The following MRPL1 variants were observed in gnomAD, a reference collection of about 807,000 sequenced individuals.
MRPL1 encodes the protein mitochondrial ribosomal protein L1, also known as large ribosomal subunit protein uL1m.
A neutral mutation model predicts 38.0 loss-of-function variants in MRPL1; 28 were observed. That is an observed-to-expected ratio of 0.74 (90% CI 0.55 to 1.01). The LOEUF is 1.01. Among genes scored for constraint, MRPL1 ranks in the 50% least tolerant of loss-of-function variants. MRPL1 has a pLI of 0.00. For synonymous variants in MRPL1, 123 were observed against 126.7 expected (o/e 0.97, Z 0.20); for missense variants, 358 against 389.8 (o/e 0.92, Z 0.69).
intron 7 of MRPL1, among the ~76,000 whole-genome samples, chr4:77,941,488 C>A (rs1281850606): frequency 6.6e-6 from 1 of 152,118 alleles, no homozygotes; most frequent in Non-Finnish European, 1.5e-5. Context: ...GCTGTGAATT[C>A]ATCTGGTCCT....
At position 77,881,162 on chromosome 4, in the gene MRPL1, A is replaced by G. The variant is rs540536854; in HGVS notation, c.144-2080A>G. ...GACAAATAAAGGGGCTGGGAAATAT[A>G]CTCCTCTTTAGTGGGAGGAACAGCA... On this transcript the variant is annotated intron_variant, in intron 2 of 8. Transcript: ENST00000315567. 7.9e-5 allele frequency among the ~76,000 whole-genome samples: 12 copies of G among 152,278 alleles called. No homozygotes were observed. The South Asian group carries it at 2.3e-3, about 29-fold the overall frequency.
intron 1 of MRPL1, among the ~76,000 whole-genome samples, chr4:77,868,462 T>G (rs746081901): frequency 6.6e-5 from 10 of 152,034 alleles, no homozygotes; most frequent in Non-Finnish European, 1.2e-4. Context: ...AGGCTGGTCT[T>G]GAACTCCTTA....
At position 77,916,729 on chromosome 4, in the gene MRPL1, T is replaced by C. The variant is rs1451414851; in HGVS notation, c.777+7357T>C. Among the ~76,000 whole-genome samples, 4 of 152,200 alleles carry C rather than the reference T, an allele frequency of 2.6e-5. 1 individual carries two copies. The highest frequency in any genetic ancestry group is 4.1e-4 in the South Asian group (2 of 4,836). ...TCATATACCATAATCAGTTCCTTAT[T>C]GATGGGCCTTTAGTTTGTGTCCCGA... On this transcript the variant is annotated intron_variant, in intron 7 of 8. Transcript: ENST00000315567.
rs1423390403 is a variant in MRPL1, at chr4:77,883,372, T to C, written c.274T>C (p.Tyr92His). The change falls in exon 3 of 9, where the codon TAC (tyrosine) becomes CAC (histidine). Residue 92 changes from tyrosine (Y) to histidine (H), a missense_variant. Transcript: ENST00000315567. ...PEDDVYLKRLYPRQIYEVEKA... is the reference protein window; with the variant it reads ...PEDDVYLKRLHPRQIYEVEKA... The stretch of plus-strand genomic sequence containing the variant: ...GGATGATGTCTATTTAAAACGCTTA[T>C]ACCCGAGACAGATATATGAGGTGGA... 4 of 1,614,012 alleles carry C rather than the reference T, an allele frequency of 2.5e-6. 1 individual carries two copies. The South Asian group carries it at 4.4e-5, about 18-fold the overall frequency.
intron 6 of MRPL1, among the ~76,000 whole-genome samples, chr4:77,897,690 A>C (rs1224262334): frequency 6.6e-6 from 1 of 152,236 alleles, no homozygotes; most frequent in Admixed American, 6.5e-5. Context: ...CGTGAGACTC[A>C]TGGATATTAA....
At position 77,951,517 on chromosome 4, in the gene MRPL1, T is replaced by C. The variant is rs144782135; in HGVS notation, c.860-972T>C. On this transcript the variant is annotated intron_variant, in intron 8 of 8. Coordinates refer to ENST00000315567, the MANE Select transcript of MRPL1 (RefSeq NM_020236.4). ...CTTCCCCTTCTTATAATTCAAAATA[T>C]TAGTTCAGTAATACAGTACTTTTCA... 3.9e-5 allele frequency among the ~76,000 whole-genome samples: 6 copies of C among 152,354 alleles called. No homozygotes were observed. In the East Asian group the frequency reaches 1.2e-3, roughly 29 times the overall value.
At chr4:77,945,584 G>A (rs1419561213) in intron 7 of MRPL1, among the ~76,000 whole-genome samples, 1 of 151,810 alleles carries the variant, frequency 6.6e-6, no homozygotes, top group African/African-American at 2.4e-5. Context: ...GGGGGAACCT[G>A]CCCCCAATAT....
At chr4:77,913,460 T>C (rs912297165) in intron 7 of MRPL1, among the ~76,000 whole-genome samples, 2 of 152,160 alleles carry the variant, frequency 1.3e-5, no homozygotes, top group Admixed American at 6.5e-5. Flanking sequence ...CACACATCTA[T>C]TTGGAATGAA....
At chr4:77,933,749 A>G (rs545515699) in intron 7 of MRPL1, among the ~76,000 whole-genome samples, 1 of 152,214 alleles carries the variant, frequency 6.6e-6, no homozygotes. Context: ...AGAAACTGCA[A>G]CTCTCATACA....
At chr4:77,870,003 C>A (rs997583931) in intron 1 of MRPL1, among the ~76,000 whole-genome samples, 2 of 152,094 alleles carry the variant, frequency 1.3e-5, no homozygotes, top group African/African-American at 4.8e-5. Context: ...CCACCTCAAG[C>A]AATCCTCCCA....
intron 1 of MRPL1, among the ~76,000 whole-genome samples, chr4:77,864,296 T>C (rs1049922900): frequency 1.3e-5 from 2 of 152,282 alleles, no homozygotes; most frequent in Non-Finnish European, 1.5e-5. Context: ...ATTTCATGTG[T>C]CATTTTTTCT....
At chr4:77,930,626 G>A (rs1188865670) in intron 7 of MRPL1, among the ~76,000 whole-genome samples, 1 of 152,192 alleles carries the variant, frequency 6.6e-6, no homozygotes, top group African/African-American at 2.4e-5. Context: ...AATTGCTGCA[G>A]TCTCATATCA....
chr4:77,878,463 T>G (rs966363338), intron 2 of MRPL1, among the ~76,000 whole-genome samples: 13 of 152,160 alleles, frequency 8.5e-5, no homozygotes, highest in Non-Finnish European at 2.9e-5. Flanking sequence ...TGTACGAATT[T>G]CCCCCCACTA....
At chr4:77,889,357 T>C (rs1004878513) in intron 5 of MRPL1, among the ~76,000 whole-genome samples, 4 of 152,190 alleles carry the variant, frequency 2.6e-5, no homozygotes, top group Non-Finnish European at 5.9e-5. Context: ...ACATGGAAAC[T>C]GAACAACCTG....
chr4:77,871,751 A>G lies in MRPL1; in HGVS notation c.39A>G (p.Ile13Met). ...CATGTTTTTCCTTTCAAGCCTTGATACATCATCAAAGGCATAGCCTTTCCA... is the reference window on the plus strand; with the variant it reads ...CATGTTTTTCCTTTCAAGCCTTGATGCATCATCAAAGGCATAGCCTTTCCA... Reference protein sequence around the residue: ...AAVRCMGRALIHHQRHSLSKM... With the variant: ...AAVRCMGRALMHHQRHSLSKM... Residue 13 changes from isoleucine to methionine, a missense_variant, in exon 2 of 9, where the codon ATA becomes ATG. Physicochemically the swap from Ile to Met is conservative, Grantham distance 10 (BLOSUM62 1). Coordinates refer to ENST00000315567, the MANE Select transcript of MRPL1 (RefSeq NM_020236.4). The G allele has an allele frequency of 6.6e-7, 1 of 1,518,728 alleles. No homozygotes were observed. The highest frequency in any genetic ancestry group is 8.9e-7 in the Non-Finnish European group (1 of 1,127,760). 94.1% of individuals were successfully genotyped at this position (1,518,728 alleles called of 1,614,324 possible).
At chr4:77,868,025 G>A (rs1391046413) in intron 1 of MRPL1, among the ~76,000 whole-genome samples, 1 of 151,370 alleles carries the variant, frequency 6.6e-6, no homozygotes, top group Non-Finnish European at 1.5e-5. Flanking sequence ...CAAAGTGCTG[G>A]GATTACAGAC....
chr4:77,919,978 TCTAA>T (rs569228671), intron 7 of MRPL1, among the ~76,000 whole-genome samples: 32 of 152,046 alleles, frequency 2.1e-4, no homozygotes, highest in Non-Finnish European at 3.7e-4. Flanking sequence ...TACAGTCAAT[TCTAA>T]CTAAAAAATC....
chr4:77,917,469 C>T (rs1736447923), intron 7 of MRPL1, among the ~76,000 whole-genome samples: 3 of 152,004 alleles, frequency 2.0e-5, no homozygotes, highest in Admixed American at 2.0e-4. Flanking sequence ...TTTAATGTAT[C>T]CTATGTATTT....
At chr4:77,903,126 A>G (rs1736071754) in intron 6 of MRPL1, among the ~76,000 whole-genome samples, 1 of 152,210 alleles carries the variant, frequency 6.6e-6, no homozygotes. Context: ...AGTTGAATCC[A>G]GCAATATATA....
Sources: gnomAD v4.1 joint callset for allele counts (sites outside exome capture counted in the v4.1 genomes callset) on GRCh38, gnomAD v4.1.1 for gene constraint, MANE v1.5 for transcripts, NCBI Gene and HGNC (gene_info 2026-07-23, HGNC 2026-07-21) for gene names.